ADD1: variants seen among roughly 807,000 people sequenced by gnomAD.
ADD1 encodes the protein adducin 1, also known as alpha-adducin.
ADD1 carries 24 observed loss-of-function variants against 80.5 expected under a neutral mutation model. The ratio of observed to expected loss-of-function variants is 0.30; its 90% confidence interval spans 0.22 to 0.42. The LOEUF is 0.42. Ranked by LOEUF, ADD1 falls within the 10% of genes least tolerant of loss-of-function variation. The probability of loss-of-function intolerance (pLI) is 1.00; values close to 1 mark genes in which losing one functional copy is unlikely to be tolerated. For synonymous variants in ADD1, 373 were observed against 393.8 expected (o/e 0.95, Z 0.63); for missense variants, 948 against 1,019.0 (o/e 0.93, Z 0.95).
chr4:2,869,246 G>C (rs1192569117), intron 1 of ADD1, among the ~76,000 whole-genome samples: 1 of 152,164 alleles, frequency 6.6e-6, no homozygotes, highest in Non-Finnish European at 1.5e-5. Flanking sequence ...AGAAGTCTAA[G>C]ATCAGGGTGT....
intron 14 of ADD1, 58 bp from the exon 15 acceptor site, chr4:2,925,956 T>C: frequency 6.6e-7 from 1 of 1,506,946 alleles, no homozygotes; most frequent in South Asian, 1.2e-5. Context: ...TGGAGGCAGG[T>C]ACAGGCTCAT....
chr4:2,878,272 A>G, intron 2 of ADD1, among the ~76,000 whole-genome samples: 1 of 152,200 alleles, frequency 6.6e-6, no homozygotes, highest in Non-Finnish European at 1.5e-5. Flanking sequence ...GGCTGGGGCA[A>G]GAGAAAAAGC....
intron 1 of ADD1, among the ~76,000 whole-genome samples, chr4:2,847,669 T>C (rs866199571): frequency 6.8e-6 from 1 of 146,990 alleles, no homozygotes; most frequent in Admixed American, 6.7e-5. Context: ...CTGATTGACA[T>C]GTGCCCAAGG....
At chr4:2,913,110 A>G (rs1435676603) in intron 13 of ADD1, among the ~76,000 whole-genome samples, 5 of 152,002 alleles carry the variant, frequency 3.3e-5, no homozygotes, top group Non-Finnish European at 7.4e-5. Flanking sequence ...AGCTTCCCAA[A>G]GTGCTGGGAT....
chr4:2,865,066 T>C, intron 1 of ADD1, among the ~76,000 whole-genome samples: 1 of 152,212 alleles, frequency 6.6e-6, no homozygotes, highest in Non-Finnish European at 1.5e-5. Context: ...TTGTAAGTTG[T>C]ATATTCTTCC....
chr4:2,898,093 A>G (rs1735558538), intron 6 of ADD1, 91 bp from the exon 7 acceptor site: 26 of 1,441,302 alleles, frequency 1.8e-5, no homozygotes, highest in Non-Finnish European at 2.2e-5. Flanking sequence ...TTCCCTTCCC[A>G]TTTTATTTCT....
chr4:2,892,665 A>G (rs1734493279), intron 4 of ADD1, among the ~76,000 whole-genome samples: 1 of 152,012 alleles, frequency 6.6e-6, no homozygotes, highest in South Asian at 2.1e-4. Context: ...CCCCATCTCT[A>G]CCAAAATAAA....
At chr4:2,880,168 A>T (rs999079158) in intron 2 of ADD1, among the ~76,000 whole-genome samples, 1 of 152,090 alleles carries the variant, frequency 6.6e-6, no homozygotes, top group Non-Finnish European at 1.5e-5. Context: ...CTCACGGATG[A>T]CTACAAAATA....
In ADD1 at chr4:2,894,653, C is replaced by A; in HGVS notation, c.663C>A (p.Phe221Leu). 6.2e-7 allele frequency: 1 copy of A among 1,609,874 alleles called. No homozygotes were observed. Among genetic ancestry groups the A allele is most frequent in the Non-Finnish European group, 8.5e-7 (1 of 1,178,800 alleles). Residue 221 changes from phenylalanine (F) to leucine (L), a missense_variant, in exon 6 of 16, where the codon TTC (phenylalanine) becomes TTA (leucine). Phe to Leu is a conservative substitution (Grantham distance 22). Coordinates refer to ENST00000683351, the MANE Select transcript of ADD1 (RefSeq NM_001354761.2). ...ATCTGGGAGTGAATCAGGCCGGCTT[C>A]ACCTTACACTCTGCAATTTATGCTG... ...STNLGVNQAG[F>L]TLHSAIYAAR... is the part of the protein sequence containing the mutation.
chr4:2,860,561 C>G (rs1055537558), intron 1 of ADD1, among the ~76,000 whole-genome samples: 8 of 152,178 alleles, frequency 5.3e-5, no homozygotes, highest in African/African-American at 1.9e-4. Context: ...AATGTTAGAT[C>G]TGGAAATGTA....
intron 1 of ADD1, among the ~76,000 whole-genome samples, chr4:2,861,923 A>G (rs932343080): frequency 5.3e-5 from 8 of 152,236 alleles, no homozygotes; most frequent in Admixed American, 2.6e-4. Flanking sequence ...TTCTTAAAAC[A>G]TTATGAGATT....
chr4:2,879,054 TG>T (rs1369971483), intron 2 of ADD1, among the ~76,000 whole-genome samples: 1 of 152,088 alleles, frequency 6.6e-6, no homozygotes, highest in African/African-American at 2.4e-5. Context: ...TGAGATGGGT[TG>T]GATGACAGGG....
intron 14 of ADD1, among the ~76,000 whole-genome samples, chr4:2,918,635 A>AT (rs1739471055): frequency 6.6e-6 from 1 of 152,126 alleles, no homozygotes; most frequent in Admixed American, 6.5e-5. Flanking sequence ...ATTCAGTATG[A>AT]TATTGGCTGT....
rs144471188 is a variant in ADD1, at chr4:2,895,279, A to G, written c.741+548A>G. Among the ~76,000 whole-genome samples, 332 of 152,212 alleles carry G rather than the reference A, an allele frequency of 2.2e-3. 3 individuals carry two copies. The highest frequency in any genetic ancestry group is 7.1e-3 in the African/African-American group (295 of 41,540). On this transcript the variant is annotated intron_variant, in intron 6 of 15. Coordinates refer to ENST00000683351, the MANE Select transcript of ADD1 (RefSeq NM_001354761.2). ...TCAAAAAAATAAAATAACAGTAAACAAAACAAAGTCATAGAGAATTGAGGG... is the reference window on the plus strand; with the variant it reads ...TCAAAAAAATAAAATAACAGTAAACGAAACAAAGTCATAGAGAATTGAGGG...
At position 2,925,995 on chromosome 4, in the gene ADD1, C is replaced by T. The variant is rs763041218; in HGVS notation, c.1949-19C>T. ...GTGGCGTCCACAGCTCCTACCATAT[C>T]CTTCTTGCTTCTCTGCAGAGAATCT... On this transcript the variant is annotated intron_variant, in intron 14 of 15. Coordinates refer to ENST00000683351, the MANE Select transcript of ADD1 (RefSeq NM_001354761.2). 19 of 1,611,174 alleles carry T rather than the reference C, an allele frequency of 1.2e-5. No individual in the cohort carries two copies. The highest frequency in any genetic ancestry group is 1.6e-5 in the Non-Finnish European group (19 of 1,177,750).
At chr4:2,920,636 A>G (rs1219464972) in intron 14 of ADD1, among the ~76,000 whole-genome samples, 1 of 144,680 alleles carries the variant, frequency 6.9e-6, no homozygotes, top group African/African-American at 2.6e-5. Flanking sequence ...GTTTTATTAG[A>G]GACTAGGATT....
chr4:2,891,554 G>T (rs1734306550), intron 4 of ADD1, among the ~76,000 whole-genome samples: 1 of 152,170 alleles, frequency 6.6e-6, no homozygotes, highest in African/African-American at 2.4e-5. Context: ...ACTGGGTGTT[G>T]TAGTTCACTA....
At position 2,926,219 on chromosome 4, in the gene ADD1, C is replaced by A; in HGVS notation, c.2047+107C>A. ...GTTAACAGCAACACGGAAGTGTGTGCTTGCATCAGCGCCAGGACGTGACAC... is the reference window on the plus strand; with the variant it reads ...GTTAACAGCAACACGGAAGTGTGTGATTGCATCAGCGCCAGGACGTGACAC... On this transcript the variant is annotated intron_variant, in intron 15 of 15. Coordinates refer to ENST00000683351, the MANE Select transcript of ADD1 (RefSeq NM_001354761.2). This position sits in a 1 kb window ranked among gnomAD's most constrained non-coding sequence, Gnocchi z 5.0. The A allele has an allele frequency of 1.0e-6, 1 of 984,720 alleles. No homozygotes were observed. The allele number at this position is 984,720 out of a possible 1,614,324, so 61.0% of individuals were successfully genotyped here. A position where few individuals can be genotyped will look rare whatever the true frequency, so the allele number is the denominator to read the frequency against.
chr4:2,848,186 G>C (rs1253897043), intron 1 of ADD1, among the ~76,000 whole-genome samples: 1 of 150,670 alleles, frequency 6.6e-6, no homozygotes, highest in African/African-American at 2.5e-5. Context: ...TTGCATTCCA[G>C]CCTGGGACAG....
Sources: allele counts gnomAD v4.1 joint callset (sites outside exome capture counted in the v4.1 genomes callset), GRCh38; gene constraint gnomAD v4.1.1; non-coding constraint Gnocchi (gnomAD v3.1); transcripts MANE v1.5; gene names NCBI Gene and HGNC (gene_info 2026-07-23, HGNC 2026-07-21).